Variants in RFX7 observed in about 807,000 individuals in gnomAD.
RFX7 encodes regulatory factor X7.
In RFX7, 26 loss-of-function variants were observed where a neutral mutation model predicts 111.8. That is an observed-to-expected ratio of 0.23 (90% CI 0.17 to 0.32). RFX7 has a LOEUF of 0.32. RFX7 is among the 10% of genes least tolerant of loss of function. The pLI is 1.00. For synonymous variants in RFX7, 624 were observed against 624.4 expected, an observed-to-expected ratio of 1.00 and a Z score of 0.01; for missense variants, 1,573 against 1,772.9, an observed-to-expected ratio of 0.89 and a Z score of 2.02.
At chr15:56,112,713 A>T (rs77755435) in intron 5 of RFX7, among the ~76,000 whole-genome samples, 2 of 152,202 alleles carry the variant, frequency 1.3e-5, no homozygotes, top group Non-Finnish European at 2.9e-5. Flanking sequence ...GAGCGAACAG[A>T]CAACCAACCT....
At chr15:56,134,442 G>C (rs2042262715) in intron 5 of RFX7, among the ~76,000 whole-genome samples, 1 of 152,038 alleles carries the variant, frequency 6.6e-6, no homozygotes, top group African/African-American at 2.4e-5. Flanking sequence ...CCCAGACTCA[G>C]ATATTTTGTG....
At chr15:56,174,457 T>C (rs778549426) in intron 3 of RFX7, among the ~76,000 whole-genome samples, 7 of 152,100 alleles carry the variant, frequency 4.6e-5, no homozygotes, top group Non-Finnish European at 7.4e-5. Context: ...AAAATCAGCA[T>C]GTGGCTGGGC....
intron 5 of RFX7, among the ~76,000 whole-genome samples, chr15:56,125,798 A>G (rs2042136898): frequency 6.6e-6 from 1 of 152,216 alleles, no homozygotes; most frequent in African/African-American, 2.4e-5. Flanking sequence ...TCATGGATAC[A>G]AATCCCAGTA....
intron 3 of RFX7, among the ~76,000 whole-genome samples, chr15:56,154,767 C>G (rs867175108): frequency 6.6e-6 from 1 of 152,142 alleles, no homozygotes; most frequent in Non-Finnish European, 1.5e-5. Context: ...CAACAAAAGC[C>G]AGAATTGACA....
chr15:56,110,429 CCCGCCCGGCCAG>C (rs1328933669), intron 5 of RFX7, among the ~76,000 whole-genome samples: 22 of 131,606 alleles, frequency 1.7e-4, no homozygotes, highest in African/African-American at 4.3e-4. Flanking sequence ...GGGTCAGCCC[CCCGCCCGGCCAG>C]CCGCCCCATC....
chr15:56,164,976 C>T (rs1189225750), intron 3 of RFX7, among the ~76,000 whole-genome samples: 1 of 152,178 alleles, frequency 6.6e-6, no homozygotes, highest in African/African-American at 2.4e-5. Context: ...TCACAGAAGA[C>T]AATTTTTCCA....
chr15:56,195,790 G>A (rs1051251100), intron 2 of RFX7, among the ~76,000 whole-genome samples: 1 of 152,180 alleles, frequency 6.6e-6, no homozygotes, highest in Non-Finnish European at 1.5e-5. Flanking sequence ...GTTTCTAGTT[G>A]AGAGCCACTG....
At chr15:56,240,258 T>C (rs745597859) in intron 2 of RFX7, among the ~76,000 whole-genome samples, 3 of 152,252 alleles carry the variant, frequency 2.0e-5, no homozygotes, top group African/African-American at 7.2e-5. Context: ...CTTTTGTCTA[T>C]GGAGTAAGAA....
intron 5 of RFX7, among the ~76,000 whole-genome samples, chr15:56,110,215 G>T (rs1387546787): frequency 8.1e-6 from 1 of 123,846 alleles, no homozygotes; most frequent in Admixed American, 7.8e-5. Flanking sequence ...CGCCCCTACT[G>T]GGAAGTGAGG....
intron 2 of RFX7, among the ~76,000 whole-genome samples, chr15:56,237,083 A>C (rs1272800479): frequency 6.6e-6 from 1 of 152,186 alleles, no homozygotes; most frequent in African/African-American, 2.4e-5. Context: ...TAATTATATT[A>C]GTCTTTCATT....
intron 3 of RFX7, among the ~76,000 whole-genome samples, chr15:56,159,933 A>T (rs2042701541): frequency 6.6e-6 from 1 of 152,212 alleles, no homozygotes; most frequent in Non-Finnish European, 1.5e-5. Flanking sequence ...GACCACTGTG[A>T]AAAAGTGAAG....
rs1416239944 is a variant in RFX7, at chr15:56,182,270, A to G, written c.162-2967T>C. Among the ~76,000 whole-genome samples, 3 of 152,106 alleles carry G rather than the reference A, an allele frequency of 2.0e-5. No homozygotes were observed. In the South Asian group the frequency reaches 6.2e-4, roughly 32 times the overall value. ...TTCCATGAATTTGGTCCCTGGTGCC[A>G]AAATGGTTGGGGACTGCTGTTTTAA... On this transcript the variant is annotated intron_variant, in intron 2 of 9. Coordinates refer to ENST00000559447, the MANE Select transcript of RFX7 (RefSeq NM_022841.7).
intron 4 of RFX7, 31 bp downstream of exon 4, chr15:56,144,370 A>T: frequency 3.2e-6 from 4 of 1,235,326 alleles, no homozygotes; most frequent in Non-Finnish European, 4.4e-6. Context: ...TATAAACAGC[A>T]TAATTATAGC....
intron 5 of RFX7, among the ~76,000 whole-genome samples, chr15:56,127,137 G>A (rs560300394): frequency 6.6e-6 from 1 of 152,066 alleles, no homozygotes; most frequent in East Asian, 1.9e-4. Flanking sequence ...ATCACACAAT[G>A]TATTTTCCCT....
chr15:56,233,398 G>C (rs1168766584), intron 2 of RFX7, among the ~76,000 whole-genome samples: 1 of 152,090 alleles, frequency 6.6e-6, no homozygotes, highest in Non-Finnish European at 1.5e-5. Flanking sequence ...TCTCCCACCA[G>C]GTCCCTCTCA....
rs2041602041 is a variant in RFX7, at chr15:56,091,997, G to A, written c.*1348C>T. 1 of 152,188 alleles carries A rather than the reference G, an allele frequency of 6.6e-6. No homozygotes were observed. The highest frequency in any genetic ancestry group is 2.4e-5 in the African/African-American group (1 of 41,414). The allele number at this position is 152,188 out of a possible 1,614,324, so 9.4% of individuals were successfully genotyped here. A position where few individuals can be genotyped will look rare whatever the true frequency, so the allele number is the denominator to read the frequency against. On this transcript the variant is annotated 3_prime_UTR_variant, in exon 10 of 10. Coordinates refer to ENST00000559447, the MANE Select transcript of RFX7 (RefSeq NM_022841.7). ...ACAATGGCAATTTAAAAATCTCTTTGAAAGTGATCTTGAAACTCACTTAAA... is the reference window on the plus strand; with the variant it reads ...ACAATGGCAATTTAAAAATCTCTTTAAAAGTGATCTTGAAACTCACTTAAA...
intron 2 of RFX7, among the ~76,000 whole-genome samples, chr15:56,204,029 T>C (rs924192465): frequency 5.7e-4 from 85 of 150,200 alleles, no homozygotes; most frequent in Non-Finnish European, 9.8e-4. Flanking sequence ...CTTTTTTTTT[T>C]TTTTTTTTGA....
At chr15:56,159,476 G>C (rs2042695660) in intron 3 of RFX7, among the ~76,000 whole-genome samples, 1 of 152,160 alleles carries the variant, frequency 6.6e-6, no homozygotes, top group African/African-American at 2.4e-5. Context: ...TTCCCTTAGG[G>C]TGAGTGCAGA....
At chr15:56,190,939 C>T (rs570212957) in intron 2 of RFX7, among the ~76,000 whole-genome samples, 1 of 152,312 alleles carries the variant, frequency 6.6e-6, no homozygotes, top group South Asian at 2.1e-4. Flanking sequence ...ATACTATATA[C>T]ATATATTTTT....
Sources: gnomAD v4.1 joint callset for allele counts (sites outside exome capture counted in the v4.1 genomes callset) on GRCh38, gnomAD v4.1.1 for gene constraint, MANE v1.5 for transcripts, NCBI Gene and HGNC (gene_info 2026-07-23, HGNC 2026-07-21) for gene names.